ZNF638: variants seen among roughly 807,000 people sequenced by gnomAD.
ZNF638 encodes the protein zinc finger protein 638.
In ZNF638, 46 loss-of-function variants were observed where a neutral mutation model predicts 195.6. That is an observed-to-expected ratio of 0.24 (90% CI 0.19 to 0.30). The LOEUF (loss-of-function observed/expected upper bound fraction) is 0.30. ZNF638 is among the 10% of genes least tolerant of loss of function. ZNF638 has a pLI of 1.00. For missense variants in ZNF638, 2,440 were observed against 2,325.3 expected (o/e 1.05, Z -1.01); for synonymous variants, 845 against 772.0 (o/e 1.09, Z -1.57).
chr2:71,344,480 A>T (rs1018089523), intron 1 of ZNF638, among the ~76,000 whole-genome samples: 2 of 152,158 alleles, frequency 1.3e-5, no homozygotes, highest in Admixed American at 6.5e-5. Context: ...CATCTTAAAA[A>T]GTAGAGTGTT....
Position 71,408,118 on chromosome 2 carries a change from A to G in ZNF638, c.3136-4A>G, listed in dbSNP as rs1011209344. 1 of 1,602,524 alleles carries G rather than the reference A, an allele frequency of 6.2e-7. No individual in the cohort carries two copies. The highest frequency in any genetic ancestry group is 8.5e-7 in the Non-Finnish European group (1 of 1,176,754). On this transcript the variant is annotated splice_region_variant and splice_polypyrimidine_tract_variant and intron_variant, in intron 19 of 27. Transcript: ENST00000264447. ...TATTCATAACTTTTTAATCTTCTCCAAAGGCAATTCTTCAGTTAGATAGTC... is the reference window on the plus strand; with the variant it reads ...TATTCATAACTTTTTAATCTTCTCCGAAGGCAATTCTTCAGTTAGATAGTC...
At chr2:71,408,484 A>G (rs1021247899) in intron 20 of ZNF638, 3 of 427,848 alleles carry the variant, frequency 7.0e-6, no homozygotes, top group Non-Finnish European at 1.2e-5. Context: ...GTTGACATGT[A>G]GGTATCTACA....
intron 10 of ZNF638, among the ~76,000 whole-genome samples, chr2:71,384,581 G>A (rs546070969): frequency 3.5e-4 from 53 of 152,166 alleles, no homozygotes; most frequent in Non-Finnish European, 6.8e-4. Context: ...CGCAGGCAAG[G>A]TACTGAAGAT....
At chr2:71,350,734 T>TG (rs1187157856) in intron 2 of ZNF638, among the ~76,000 whole-genome samples, 5 of 152,240 alleles carry the variant, frequency 3.3e-5, no homozygotes, top group Non-Finnish European at 5.9e-5. Context: ...TTAATGTTGA[T>TG]TTAAATATTT....
At chr2:71,372,836 C>T (rs576385514) in intron 8 of ZNF638, among the ~76,000 whole-genome samples, 1 of 152,166 alleles carries the variant, frequency 6.6e-6, no homozygotes, top group East Asian at 1.9e-4. Context: ...GTAGTCTAAC[C>T]ATGTTAGTGC....
intron 16 of ZNF638, among the ~76,000 whole-genome samples, chr2:71,402,679 G>T (rs546253646): frequency 2.0e-5 from 3 of 152,210 alleles, no homozygotes; most frequent in African/African-American, 7.2e-5. Context: ...ATAAGCATCT[G>T]TTGGCTTTGT....
At chr2:71,417,234 GATTTTCC>G (rs2080316189) in intron 20 of ZNF638, among the ~76,000 whole-genome samples, 1 of 151,728 alleles carries the variant, frequency 6.6e-6, no homozygotes, top group Non-Finnish European at 1.5e-5. Context: ...GGAGTGACCC[GATTTTCC>G]AGGTGCGTCC....
At chr2:71,352,495 TA>T (rs58110916) in intron 2 of ZNF638, among the ~76,000 whole-genome samples, 99,590 of 134,748 alleles carry the variant, frequency 0.74, 36,048 homozygotes, top group Admixed American at 0.77. Context: ...ATAAAAAAAA[TA>T]AAAAAAAAAA....
At chr2:71,400,758 T>C (rs1323130704) in intron 15 of ZNF638, among the ~76,000 whole-genome samples, 2 of 152,182 alleles carry the variant, frequency 1.3e-5, no homozygotes, top group Non-Finnish European at 2.9e-5. Flanking sequence ...CAAATGTACA[T>C]GTTTTTTGAA....
At chr2:71,391,410 C>T (rs2079774270) in intron 10 of ZNF638, among the ~76,000 whole-genome samples, 1 of 152,316 alleles carries the variant, frequency 6.6e-6, no homozygotes, top group East Asian at 1.9e-4. Flanking sequence ...GAATGCTGAA[C>T]AGTCCTACCA....
At chr2:71,345,351 A>G (rs1382426595) in intron 1 of ZNF638, among the ~76,000 whole-genome samples, 2 of 152,086 alleles carry the variant, frequency 1.3e-5, no homozygotes, top group Non-Finnish European at 2.9e-5. Context: ...TTTTTTAACC[A>G]TTGAAGATAT....
chr2:71,344,820 A>C (rs1445065973), intron 1 of ZNF638, among the ~76,000 whole-genome samples: 1 of 152,268 alleles, frequency 6.6e-6, no homozygotes, highest in Non-Finnish European at 1.5e-5. Flanking sequence ...ATACCTTATA[A>C]ATAGAAAGCT....
intron 23 of ZNF638, among the ~76,000 whole-genome samples, chr2:71,425,401 T>TA (rs1209193448): frequency 6.6e-6 from 1 of 152,160 alleles, no homozygotes; most frequent in Non-Finnish European, 1.5e-5. Flanking sequence ...GTTTGCTTTG[T>TA]TAATTTGATA....
Position 71,331,802 on chromosome 2 carries a change from C to A in ZNF638, c.-276C>A. 1 of 985,978 alleles carries A rather than the reference C, an allele frequency of 1.0e-6. No individual in the cohort carries two copies. Among genetic ancestry groups the A allele is most frequent in the Non-Finnish European group, 1.2e-6 (1 of 830,080 alleles). The allele number at this position is 985,978 out of a possible 1,614,324, so 61.1% of individuals were successfully genotyped here. A position where few individuals can be genotyped will look rare whatever the true frequency, so the allele number is the denominator to read the frequency against. ...TCTTTGGAGGCGGTAGCGTTTTCGG[C>A]GTCGAGACTGGAGGCTGAGTGCTAA... On this transcript the variant is annotated 5_prime_UTR_variant, in exon 1 of 28. Coordinates refer to ENST00000264447, the MANE Select transcript of ZNF638 (RefSeq NM_014497.5).
chr2:71,380,433 G>T (rs2079515915), intron 9 of ZNF638, 80 bp from the exon 10 acceptor site: 1 of 1,308,610 alleles, frequency 7.6e-7, no homozygotes, highest in Non-Finnish European at 1.1e-6. Flanking sequence ...AACGTTTTTA[G>T]GTTTAAATAT....
rs751541059 is a variant in ZNF638 at position 71,349,649 on chromosome 2, A to C, written c.695A>C (p.Glu232Ala). ...CTTGAAGTACGTATTTATGATCCTG[A>C]AATTCCAACTGATGAGGTCGAGAAT... ...DPLEVRIYDP[E>A]IPTDEVENEF... Residue 232 changes from glutamate to alanine, a missense_variant, in exon 2 of 28, where the codon GAA becomes GCA. By Grantham distance (107) the Glu-to-Ala change is moderately radical (BLOSUM62 -1). Coordinates refer to ENST00000264447, the MANE Select transcript of ZNF638 (RefSeq NM_014497.5). 1 of 1,614,228 alleles carries C rather than the reference A, an allele frequency of 6.2e-7. No homozygotes were observed. The highest frequency in any genetic ancestry group is 1.1e-5 in the South Asian group (1 of 91,082).
Position 71,373,011 on chromosome 2 carries a change from G to A in ZNF638, c.2265+3006G>A, listed in dbSNP as rs201147864. Among the ~76,000 whole-genome samples the A allele has an allele frequency of 1.3e-4, 20 of 152,238 alleles. 1 individual carries two copies. In the East Asian group the frequency reaches 3.5e-3, roughly 26 times the overall value. ...CCATCTTTTGACATTTATGATAGTG[G>A]TTTTTTAGGTGATACCTACCCAATG... On this transcript the variant is annotated intron_variant, in intron 8 of 27. Coordinates refer to ENST00000264447, the MANE Select transcript of ZNF638 (RefSeq NM_014497.5).
chr2:71,381,724 A>G (rs2104356565), intron 10 of ZNF638, among the ~76,000 whole-genome samples: 1 of 152,274 alleles, frequency 6.6e-6, no homozygotes, highest in East Asian at 1.9e-4. Flanking sequence ...TTTTGAAAAA[A>G]TAATTCACAG....
Position 71,363,966 on chromosome 2 carries a change from T to C in ZNF638, c.1431T>C (p.Asn477=). The change falls in exon 5 of 28, where the codon AAT becomes AAC. Residue 477 remains asparagine (N), a synonymous_variant. Transcript: ENST00000264447. ...CCCCTGCTTGTAGAAATGAGGGCAA[T>C]AGAAAAGAAAATGAAACTCCACGAA... ...EILPSRRNEG[N]RKENETPRRR... 1 of 1,612,228 alleles carries C rather than the reference T, an allele frequency of 6.2e-7. No individual in the cohort carries two copies. Among genetic ancestry groups the C allele is most frequent in the Non-Finnish European group, 8.5e-7 (1 of 1,178,964 alleles).
Sources: gnomAD v4.1 joint callset for allele counts (sites outside exome capture counted in the v4.1 genomes callset) on GRCh38, gnomAD v4.1.1 for gene constraint, MANE v1.5 for transcripts, NCBI Gene and HGNC (gene_info 2026-07-23, HGNC 2026-07-21) for gene names.